Variants in SVEP1 observed in about 807,000 individuals in gnomAD.
The protein encoded by SVEP1 is sushi, von Willebrand factor type A, EGF and pentraxin domain-containing protein 1.
A neutral mutation model predicts 367.3 loss-of-function variants in SVEP1; 164 were observed. The observed-to-expected ratio is 0.45, with a 90% CI of 0.39 to 0.51. The LOEUF (loss-of-function observed/expected upper bound fraction) is 0.51. SVEP1 is among the 20% of genes least tolerant of loss of function. The pLI is 0.00. For synonymous variants in SVEP1, 1,666 were observed against 1,611.6 expected (o/e 1.03, Z -0.81); for missense variants, 4,117 against 4,425.3 (o/e 0.93, Z 1.98).
intron 18 of SVEP1, among the ~76,000 whole-genome samples, chr9:110,460,760 A>G (rs1357019008): frequency 6.6e-6 from 1 of 152,166 alleles, no homozygotes; most frequent in Non-Finnish European, 1.5e-5. Flanking sequence ...CTCAAAAGAA[A>G]AAAAAAAAAG....
At chr9:110,416,713 A>C (rs760959611) in intron 36 of SVEP1, among the ~76,000 whole-genome samples, 4 of 152,200 alleles carry the variant, frequency 2.6e-5, no homozygotes, top group Admixed American at 6.5e-5. Context: ...GTCATCTCAT[A>C]GCAAAACACT....
chr9:110,434,109 G>T (rs575381026), intron 30 of SVEP1, among the ~76,000 whole-genome samples: 1 of 152,238 alleles, frequency 6.6e-6, no homozygotes, highest in Admixed American at 6.5e-5. Flanking sequence ...AACCCTTTCA[G>T]TTCCTTGCAT....
Position 110,572,979 on chromosome 9 carries a change from C to T in SVEP1, c.531+6034G>A, listed in dbSNP as rs187099258. On this transcript the variant is annotated intron_variant, in intron 1 of 47. Coordinates refer to ENST00000374469, the MANE Select transcript of SVEP1 (RefSeq NM_153366.4). ...TTGAAAAAGAGATTCCTATATAATA[C>T]TAGGGATGATTTGAGAATTCTTCAA... is the stretch of plus-strand genomic sequence containing the variant. 4.1e-3 allele frequency among the ~76,000 whole-genome samples: 617 copies of T among 151,788 alleles called. 2 individuals are homozygous for T. The highest frequency in any genetic ancestry group is 7.2e-3 in the Admixed American group (110 of 15,252).
chr9:110,402,045 T>C (rs1307239620), intron 39 of SVEP1, among the ~76,000 whole-genome samples: 1 of 152,096 alleles, frequency 6.6e-6, no homozygotes, highest in Non-Finnish European at 1.5e-5. Flanking sequence ...GCCTTAATAA[T>C]TTTTTATTTT....
rs772750501 is a variant in SVEP1, at chr9:110,431,969, A to C, written c.5299T>G (p.Ser1767Ala). ...EHASCLNVDGSYICSCVPPYT... is the reference protein window; with the variant it reads ...EHASCLNVDGAYICSCVPPYT... Reference sequence around the variant, plus strand: ...GGTGGGACACATGAACATATGTAGGATCCATCTACGTTCAGGCAAGAAGCA... The same window carrying C: ...GGTGGGACACATGAACATATGTAGGCTCCATCTACGTTCAGGCAAGAAGCA... Residue 1767 changes from serine to alanine, a missense_variant, in exon 32 of 48, where the codon TCC becomes GCC. By Grantham distance (99) the Ser-to-Ala change is moderately conservative. Coordinates refer to ENST00000374469, the MANE Select transcript of SVEP1 (RefSeq NM_153366.4). 6.2e-7 allele frequency: 1 copy of C among 1,613,674 alleles called. No homozygotes were observed. The highest frequency in any genetic ancestry group is 1.1e-5 in the South Asian group (1 of 91,050).
chr9:110,446,743 A>C (rs1828606660), intron 25 of SVEP1, among the ~76,000 whole-genome samples, 157 bp downstream of exon 25: 1 of 152,200 alleles, frequency 6.6e-6, no homozygotes, highest in Non-Finnish European at 1.5e-5. Flanking sequence ...TAGTAGTAGT[A>C]CCTAGTTTGT....
intron 46 of SVEP1, among the ~76,000 whole-genome samples, 183 bp downstream of exon 46, chr9:110,375,185 G>A (rs915947087): frequency 6.6e-6 from 1 of 152,094 alleles, no homozygotes; most frequent in Non-Finnish European, 1.5e-5. Context: ...CTGGAAACGT[G>A]TTTAGGCAAC....
intron 37 of SVEP1, among the ~76,000 whole-genome samples, chr9:110,410,749 G>A (rs150089290): frequency 1.8e-3 from 276 of 152,106 alleles, no homozygotes; most frequent in African/African-American, 5.4e-3. Flanking sequence ...TCATTGCCCC[G>A]CTTCTGAATA....
intron 27 of SVEP1, 31 bp downstream of exon 27, chr9:110,443,514 A>G: frequency 6.5e-7 from 1 of 1,538,266 alleles, no homozygotes; most frequent in Non-Finnish European, 8.8e-7. Context: ...CTAGAGTCCA[A>G]CAGAATTATA....
At chr9:110,367,496 C>A (rs940577096) in intron 47 of SVEP1, among the ~76,000 whole-genome samples, 1 of 152,152 alleles carries the variant, frequency 6.6e-6, no homozygotes, top group African/African-American at 2.4e-5. Context: ...CATTCAGTCT[C>A]GTAGGAGAGA....
intron 47 of SVEP1, among the ~76,000 whole-genome samples, chr9:110,367,375 G>A (rs1352317773): frequency 1.3e-5 from 2 of 148,378 alleles, no homozygotes; most frequent in Non-Finnish European, 3.0e-5. Context: ...TGTTGCCCAG[G>A]CTGGTGTTGA....
chr9:110,481,993 G>A (rs1033212449), intron 11 of SVEP1, among the ~76,000 whole-genome samples: 1 of 152,092 alleles, frequency 6.6e-6, no homozygotes, highest in Non-Finnish European at 1.5e-5. Flanking sequence ...GATTACAGGC[G>A]TGAGTCACCA....
intron 1 of SVEP1, among the ~76,000 whole-genome samples, chr9:110,570,542 G>A (rs539587235): frequency 2.8e-4 from 42 of 151,544 alleles, no homozygotes; most frequent in South Asian, 2.7e-3. Context: ...GTGCAGTGGC[G>A]CAATCTCAGT....
In SVEP1 at chr9:110,539,498, T is replaced by G. The variant is rs113769832; in HGVS notation, c.964+6617A>C. On this transcript the variant is annotated intron_variant, in intron 3 of 47. Coordinates refer to ENST00000374469, the MANE Select transcript of SVEP1 (RefSeq NM_153366.4). Reference sequence around the variant, plus strand: ...ATAACTCATTCTGTTCTTTTCCTTCTGAGTATTAGGTTGAACAATATGAAG... The same window carrying G: ...ATAACTCATTCTGTTCTTTTCCTTCGGAGTATTAGGTTGAACAATATGAAG... 5.3e-3 allele frequency among the ~76,000 whole-genome samples: 800 copies of G among 152,156 alleles called. 7 individuals carry two copies. The highest frequency in any genetic ancestry group is 0.018 in the African/African-American group (757 of 41,556).
chr9:110,567,714 A>G (rs1439509456), intron 1 of SVEP1, among the ~76,000 whole-genome samples: 1 of 152,210 alleles, frequency 6.6e-6, no homozygotes, highest in East Asian at 1.9e-4. Flanking sequence ...GAAATGTCAC[A>G]TACCCTTGCT....
intron 40 of SVEP1, among the ~76,000 whole-genome samples, chr9:110,398,319 T>C (rs1827801409): frequency 6.6e-6 from 1 of 152,200 alleles, no homozygotes; most frequent in Admixed American, 6.5e-5. Context: ...ATCCCTTCCT[T>C]ACACCTTACA....
rs372924937 is a variant in SVEP1, at chr9:110,441,547, C to T, written c.4639+1998G>A. Among the ~76,000 whole-genome samples, 17 of 152,300 alleles carry T rather than the reference C, an allele frequency of 1.1e-4. No homozygotes were observed. In the East Asian group the frequency reaches 1.9e-3, roughly 17 times the overall value. On this transcript the variant is annotated intron_variant, in intron 27 of 47. Transcript: ENST00000374469. ...GATGTTGCCTTACTGGCTGGATTGG[C>T]GCTTGGCAAATGCTCAGTGTGTGGA... is the stretch of plus-strand genomic sequence containing the variant.
In SVEP1 at chr9:110,489,705, C is replaced by T. The variant is rs556260767; in HGVS notation, c.1875G>A (p.Thr625=). ...CCTGGTTGCCGGATAGGTCAGTTGC[C>T]GTGTATACGATAGCAACATCTCCAA... ...FPIGDVAIVY[T]ATDLSGNQAS... Residue 625 remains threonine, a synonymous_variant, in exon 9 of 48, where the codon ACG becomes ACA. Transcript: ENST00000374469. 2.2e-5 allele frequency: 36 copies of T among 1,613,262 alleles called. No individual in the cohort carries two copies. The East Asian group carries it at 6.2e-4, about 28-fold the overall frequency.
rs1290518299 is a variant in SVEP1, at chr9:110,549,917, T to A, written c.719A>T (p.Glu240Val). Reference protein sequence around the residue: ...ELNDMASTPKEEHCYLLHSFE... With the variant: ...ELNDMASTPKVEHCYLLHSFE... ...ACTGTGTAGCAGGTAACAGTGCTCC[T>A]CCTTTGGGGTGGAAGCCATGTCATT... The change falls in exon 2 of 48, where the codon GAG becomes GTG. Residue 240 changes from glutamate to valine, a missense_variant. Glu to Val is a moderately radical substitution (Grantham distance 121). Transcript: ENST00000374469. 6.2e-7 allele frequency: 1 copy of A among 1,613,850 alleles called. No individual in the cohort carries two copies. Among genetic ancestry groups the A allele is most frequent in the Non-Finnish European group, 8.5e-7 (1 of 1,179,876 alleles).
Sources: gnomAD v4.1 joint callset for allele counts (sites outside exome capture counted in the v4.1 genomes callset) on GRCh38, gnomAD v4.1.1 for gene constraint, MANE v1.5 for transcripts, NCBI Gene and HGNC (gene_info 2026-07-23, HGNC 2026-07-21) for gene names.